The following SLC24A2 variants were observed in gnomAD, a reference collection of about 807,000 sequenced individuals.
The protein encoded by SLC24A2 is solute carrier family 24 member 2.
Under a neutral mutation model 62.0 loss-of-function variants are expected in SLC24A2, and 36 were observed. The observed-to-expected ratio is 0.58, with a 90% CI of 0.44 to 0.77. The LOEUF (loss-of-function observed/expected upper bound fraction) is 0.77. Among genes scored for constraint, SLC24A2 ranks in the 30% least tolerant of loss-of-function variants. SLC24A2 has a pLI of 0.00. For missense variants in SLC24A2, 846 were observed against 817.9 expected (o/e 1.03, Z -0.42); for synonymous variants, 358 against 294.0 (o/e 1.22, Z -2.23).
chr9:19,791,418 C>G (rs1328642244), upstream of SLC24A2, among the ~76,000 whole-genome samples: 1 of 152,158 alleles, frequency 6.6e-6, no homozygotes, highest in African/African-American at 2.4e-5. Context: ...AGCACATAGT[C>G]ATCTTTTAGA....
the SLC24A2 span, among the ~76,000 whole-genome samples, chr9:19,904,953 G>A: frequency 1.3e-5 from 2 of 152,174 alleles, no homozygotes; most frequent in African/African-American, 4.8e-5. Context: ...AATCTTAGAG[G>A]AAGAGAGTGG....
chr9:20,269,130 C>T, the SLC24A2 span, among the ~76,000 whole-genome samples: 2 of 152,076 alleles, frequency 1.3e-5, no homozygotes, highest in South Asian at 2.1e-4. Flanking sequence ...GCCTGAAGCA[C>T]GAATTTTTAT....
the SLC24A2 span, among the ~76,000 whole-genome samples, chr9:20,124,304 C>T: frequency 7.1e-6 from 1 of 140,046 alleles, no homozygotes; most frequent in Admixed American, 7.2e-5. Context: ...TTCCCAAAAG[C>T]TTAAAAAAAA....
the SLC24A2 span, among the ~76,000 whole-genome samples, chr9:20,010,783 T>C: frequency 9.0e-6 from 1 of 111,598 alleles, no homozygotes; most frequent in Non-Finnish European, 1.7e-5. Flanking sequence ...TGACAGGCCC[T>C]GGTGTGTGAT....
intron 2 of SLC24A2, among the ~76,000 whole-genome samples, chr9:19,623,824 T>G (rs781196794): frequency 6.6e-6 from 1 of 152,212 alleles, no homozygotes; most frequent in Non-Finnish European, 1.5e-5. Context: ...TATAGGCTCT[T>G]GAAGAACTTG....
intron 2 of SLC24A2, among the ~76,000 whole-genome samples, chr9:19,738,919 C>G (rs1232418255): frequency 6.6e-6 from 1 of 152,090 alleles, no homozygotes; most frequent in Non-Finnish European, 1.5e-5. Context: ...GAGTTCCAGA[C>G]CAGCCTGGCC....
At chr9:20,206,452 A>C in the SLC24A2 span, among the ~76,000 whole-genome samples, 11 of 131,830 alleles carry the variant, frequency 8.3e-5, no homozygotes, top group Middle Eastern at 4.3e-3. Context: ...TAATTTTCCC[A>C]AAAAAAGTTA....
chr9:19,938,529 G>A, the SLC24A2 span, among the ~76,000 whole-genome samples: 1,866 of 152,124 alleles, frequency 0.012, 46 homozygotes, highest in African/African-American at 0.043. Context: ...GTTGACTATG[G>A]ACTCTGGAAT....
At chr9:20,037,305 T>C in the SLC24A2 span, among the ~76,000 whole-genome samples, 1 of 152,168 alleles carries the variant, frequency 6.6e-6, no homozygotes, top group Non-Finnish European at 1.5e-5. Context: ...GAGAGAAAAG[T>C]CTGTACATGT....
the SLC24A2 span, among the ~76,000 whole-genome samples, chr9:20,013,392 A>G: frequency 4.6e-5 from 7 of 152,326 alleles, no homozygotes; most frequent in East Asian, 1.4e-3. Flanking sequence ...TATAGCCTAC[A>G]CTATACACAA....
chr9:19,885,185 T>C, the SLC24A2 span, among the ~76,000 whole-genome samples: 3 of 152,210 alleles, frequency 2.0e-5, no homozygotes, highest in Admixed American at 6.5e-5. Context: ...AGAAGAACTC[T>C]CACTGGACCC....
At chr9:20,241,726 C>G in the SLC24A2 span, among the ~76,000 whole-genome samples, 5 of 152,180 alleles carry the variant, frequency 3.3e-5, 1 homozygote, top group African/African-American at 9.6e-5. Context: ...AGCGAGTAAT[C>G]CCAGCCTAAG....
chr9:20,157,815 C>T, the SLC24A2 span, among the ~76,000 whole-genome samples: 5 of 151,556 alleles, frequency 3.3e-5, no homozygotes, highest in Admixed American at 3.3e-4. Flanking sequence ...GTTTCCATCA[C>T]CATTAGCATC....
the SLC24A2 span, among the ~76,000 whole-genome samples, chr9:19,961,222 G>T: frequency 6.6e-5 from 10 of 150,944 alleles, no homozygotes; most frequent in African/African-American, 2.2e-4. Flanking sequence ...AAAACTTAAA[G>T]TATAATAATA....
chr9:19,653,266 G>A (rs1322195496), intron 2 of SLC24A2, among the ~76,000 whole-genome samples: 2 of 152,204 alleles, frequency 1.3e-5, no homozygotes, highest in African/African-American at 4.8e-5. Context: ...CCTGTGTGCT[G>A]TAGCTCATTG....
intron 2 of SLC24A2, among the ~76,000 whole-genome samples, chr9:19,728,083 G>A (rs939531449): frequency 2.6e-4 from 40 of 152,038 alleles, no homozygotes; most frequent in African/African-American, 9.2e-4. Flanking sequence ...TAGGTGTGTC[G>A]GCTGTGGAGG....
rs191515699 is a variant in SLC24A2 at position 19,636,255 on chromosome 9, C to T, written c.931-13956G>A. Among the ~76,000 whole-genome samples, 50 of 82,192 alleles carry T rather than the reference C, an allele frequency of 6.1e-4. 1 individual carries two copies. The East Asian group carries it at 0.02, about 33-fold the overall frequency. 53.9% of individuals were successfully genotyped at this position (82,192 alleles called of 152,430 possible). A position where few individuals can be genotyped will look rare whatever the true frequency, so the allele number is the denominator to read the frequency against. ...CAAATACTATTTAGTGCTAGGTGTC[C>T]TTTTCTTTTCTTCTCTTCTTCTCTT... On this transcript the variant is annotated intron_variant, in intron 2 of 10. Coordinates refer to ENST00000341998, the MANE Select transcript of SLC24A2 (RefSeq NM_020344.4).
chr9:19,735,830 G>A (rs1017152058), intron 2 of SLC24A2, among the ~76,000 whole-genome samples: 1 of 151,632 alleles, frequency 6.6e-6, no homozygotes, highest in Non-Finnish European at 1.5e-5. Flanking sequence ...GACACAGGAA[G>A]GGGAACATCA....
At chr9:19,940,020 G>T in the SLC24A2 span, among the ~76,000 whole-genome samples, 5 of 152,336 alleles carry the variant, frequency 3.3e-5, no homozygotes, top group East Asian at 9.6e-4. Flanking sequence ...CTCTGTACCA[G>T]CTATCTCACT....
Sources: gnomAD v4.1 joint callset for allele counts (sites outside exome capture counted in the v4.1 genomes callset) on GRCh38, gnomAD v4.1.1 for gene constraint, MANE v1.5 for transcripts, NCBI Gene and HGNC (gene_info 2026-07-23, HGNC 2026-07-21) for gene names.